The following TCEA2 variants were observed in gnomAD, a reference collection of about 807,000 sequenced individuals.
The protein encoded by TCEA2 is transcription elongation factor A2, also known as transcription elongation factor A protein 2.
A neutral mutation model predicts 40.8 loss-of-function variants in TCEA2; 21 were observed. The ratio of observed to expected loss-of-function variants is 0.51; its 90% CI spans 0.36 to 0.74. The LOEUF is 0.74. Among genes scored for constraint, TCEA2 ranks in the 30% least tolerant of loss-of-function variants. The pLI is 0.00. For missense variants in TCEA2, 326 were observed against 426.5 expected (o/e 0.76, Z 2.08); for synonymous variants, 165 against 162.7 (o/e 1.01, Z -0.11).
At chr20:64,056,136 G>A (rs967700798), upstream of TCEA2, among the ~76,000 whole-genome samples, 1 of 152,170 alleles carries the variant, frequency 6.6e-6, no homozygotes, top group Non-Finnish European at 1.5e-5. Flanking sequence ...CCCCAGCGTT[G>A]CTTCTGTGGG....
chr20:64,069,880 G>T (rs757784962), intron 6 of TCEA2, 59 bp downstream of exon 6: 2 of 1,592,692 alleles, frequency 1.3e-6, no homozygotes, highest in South Asian at 2.2e-5. Context: ...AGGCTGCCTG[G>T]CCTGGTGCCC....
At chr20:64,063,416 A>ACCCCG in intron 1 of TCEA2, 32 bp downstream of exon 1, 1 of 1,515,362 alleles carries the variant, frequency 6.6e-7, no homozygotes, top group African/African-American at 1.4e-5. Flanking sequence ...GACCCCGGGA[A>ACCCCG]CCCCGCCCCG....
chr20:64,062,041 C>A (rs2059576452), upstream of TCEA2, among the ~76,000 whole-genome samples: 1 of 152,250 alleles, frequency 6.6e-6, no homozygotes. Context: ...AGATGAGTCT[C>A]TTAACTGACC....
chr20:64,056,462 G>C (rs2059474225), upstream of TCEA2, among the ~76,000 whole-genome samples: 1 of 152,116 alleles, frequency 6.6e-6, no homozygotes, highest in Admixed American at 6.5e-5. Context: ...TGGAGGGTCT[G>C]ATGGAAAGGG....
upstream of TCEA2, chr20:64,063,006 G>C (rs2059599832): frequency 4.8e-6 from 1 of 206,470 alleles, no homozygotes; most frequent in Non-Finnish European, 9.6e-6. Context: ...GGGGTATTGT[G>C]GGATCACGAG....
Position 64,068,863 on chromosome 20 carries a change from C to T in TCEA2, c.330-498C>T, listed in dbSNP as rs149031165. ...AGGGGCATCCTTCTCCCATTCTGTA[C>T]GTGCCCAGGGGTGTCGTCTGTGACA... On this transcript the variant is annotated intron_variant, in intron 4 of 9. Transcript: ENST00000343484. 1.9e-3 allele frequency among the ~76,000 whole-genome samples: 287 copies of T among 152,364 alleles called. 2 individuals carry two copies. The highest frequency in any genetic ancestry group is 6.5e-3 in the African/African-American group (271 of 41,586).
chr20:64,065,119 C>T (rs1244227632), intron 1 of TCEA2, among the ~76,000 whole-genome samples: 1 of 152,098 alleles, frequency 6.6e-6, no homozygotes, highest in African/African-American at 2.4e-5. Context: ...CCCTCGGGGA[C>T]CTGGGGGCCA....
At chr20:64,062,740 A>G (rs2059591085), upstream of TCEA2, 1 of 152,280 alleles carries the variant, frequency 6.6e-6, no homozygotes, top group Non-Finnish European at 1.5e-5. Flanking sequence ...CTCTACTCAG[A>G]AGCCCGAATG....
At chr20:64,063,625 C>A (rs547831911) in intron 1 of TCEA2, 1 of 543,878 alleles carries the variant, frequency 1.8e-6, no homozygotes, top group East Asian at 3.4e-5. Flanking sequence ...GACCTTGTCC[C>A]GGGAGAGCCA....
chr20:64,063,450 AC>A (rs2059614970), intron 1 of TCEA2, 66 bp downstream of exon 1: 1 of 1,516,472 alleles, frequency 6.6e-7, no homozygotes, highest in East Asian at 2.5e-5. Flanking sequence ...GAGCCCGCCG[AC>A]CCCCGTTAGG....
upstream of TCEA2, among the ~76,000 whole-genome samples, chr20:64,061,054 G>A (rs1200121657): frequency 6.9e-6 from 1 of 144,740 alleles, no homozygotes; most frequent in African/African-American, 2.6e-5. Flanking sequence ...ACCTCCCAAA[G>A]TGCTAGGATT....
At chr20:64,060,384 C>T (rs1384516295), upstream of TCEA2, among the ~76,000 whole-genome samples, 2 of 152,216 alleles carry the variant, frequency 1.3e-5, no homozygotes, top group African/African-American at 2.4e-5. Flanking sequence ...ACGGTGGGAA[C>T]CAGCTTTGAA....
Position 64,070,630 on chromosome 20 carries a change from A to C in TCEA2, c.814A>C (p.Thr272Pro). Residue 272 changes from threonine to proline, a missense_variant, in exon 8 of 10, where the codon ACA becomes CCA. Transcript: ENST00000343484. ...GTGCAGGAAAAAGAACTGCACCTACACACAGGTGAGCGGCCGCTGGGCACC... is the reference window on the plus strand; with the variant it reads ...GTGCAGGAAAAAGAACTGCACCTACCCACAGGTGAGCGGCCGCTGGGCACC... The part of the protein sequence containing the change: ...GKCRKKNCTY[T>P]QVQTRSSDEP... The C allele has an allele frequency of 6.3e-7, 1 of 1,587,956 alleles. No homozygotes were observed. The highest frequency in any genetic ancestry group is 8.6e-7 in the Non-Finnish European group (1 of 1,166,336).
rs76795864 is a variant in TCEA2, at chr20:64,058,179, C to G, written c.-84+528C>G. Among the ~76,000 whole-genome samples, 602 of 152,334 alleles carry G rather than the reference C, an allele frequency of 4.0e-3. 8 individuals are homozygous for G. The highest frequency in any genetic ancestry group is 0.012 in the African/African-American group (506 of 41,578). On this transcript the variant is annotated intron_variant, in intron 1 of 10. Transcript: ENST00000361317. This position sits in a 1 kb window ranked among gnomAD's most constrained non-coding sequence, Gnocchi z 6.7. Reference sequence around the variant, plus strand: ...AGGCACCCGACCTCTTCTGCTAACCCCCTTCCCTGCCTGTCCCGTCCGCTC... The same window carrying G: ...AGGCACCCGACCTCTTCTGCTAACCGCCTTCCCTGCCTGTCCCGTCCGCTC...
At chr20:64,056,567 C>G (rs764824392), upstream of TCEA2, among the ~76,000 whole-genome samples, 1 of 151,972 alleles carries the variant, frequency 6.6e-6, no homozygotes, top group Non-Finnish European at 1.5e-5. Flanking sequence ...TCCCCAGCCC[C>G]CGCTCTGTGG....
chr20:64,071,956 T>A lies in TCEA2; in HGVS notation c.891+15T>A. ...ACCGCTGGAAGGTGGGTGAGCAGGC[T>A]CAGGCTGCCCCTCCCAGCTCCATTC... On this transcript the variant is annotated intron_variant, in intron 9 of 9. Transcript: ENST00000343484. 6.2e-7 allele frequency: 1 copy of A among 1,614,022 alleles called. No homozygotes were observed. The highest frequency in any genetic ancestry group is 8.5e-7 in the Non-Finnish European group (1 of 1,179,974).
intron 1 of TCEA2, among the ~76,000 whole-genome samples, chr20:64,057,983 C>T (rs1262263580): frequency 1.3e-5 from 2 of 152,182 alleles, no homozygotes; most frequent in Non-Finnish European, 2.9e-5. Context: ...GCTCTGGGGC[C>T]AGTCACCTGC....
chr20:64,057,730 G>C (rs1259692198), intron 1 of TCEA2: 1 of 152,282 alleles, frequency 6.6e-6, no homozygotes, highest in Non-Finnish European at 1.5e-5. Flanking sequence ...GCTCCTGAGG[G>C]ACCCGGGACC....
chr20:64,069,598 C>A, intron 5 of TCEA2, 107 bp downstream of exon 5: 1 of 1,549,608 alleles, frequency 6.5e-7, no homozygotes. Context: ...CTGTCCTCCC[C>A]CAGCCCATTG....
Sources: allele counts gnomAD v4.1 joint callset (sites outside exome capture counted in the v4.1 genomes callset), GRCh38; gene constraint gnomAD v4.1.1; non-coding constraint Gnocchi (gnomAD v3.1); transcripts MANE v1.5; gene names NCBI Gene and HGNC (gene_info 2026-07-23, HGNC 2026-07-21).